MAOB: variants seen among roughly 807,000 people sequenced by gnomAD.
MAOB encodes amine oxidase [flavin-containing] B.
A neutral mutation model predicts 41.9 loss-of-function variants in MAOB; 15 were observed. That is an observed-to-expected ratio of 0.36 (90% CI 0.24 to 0.55). The LOEUF (loss-of-function observed/expected upper bound fraction) is 0.55. Among genes scored for constraint, MAOB ranks in the 20% least tolerant of loss-of-function variants. The pLI is 0.86. For missense variants in MAOB, 345 were observed against 398.7 expected, an observed-to-expected ratio of 0.87 and a Z score of 1.15; for synonymous variants, 167 against 144.2, an observed-to-expected ratio of 1.16 and a Z score of -1.13.
chrX:43,778,780 A>C, intron 10 of MAOB, 41 bp from the exon 11 acceptor site: 1 of 1,075,809 alleles, frequency 9.3e-7, no homozygotes, highest in Non-Finnish European at 1.3e-6. Context: ...AAAGGAAAGA[A>C]GGGAGGGAAA....
At chrX:43,839,883 T>C (rs1340623712) in intron 2 of MAOB, among the ~76,000 whole-genome samples, 2 of 112,231 alleles carry the variant, frequency 1.8e-5, no homozygotes, top group Non-Finnish European at 3.8e-5. Flanking sequence ...TATGAAGATT[T>C]CAAGAACTGG....
chrX:43,858,715 G>C (rs748581973), intron 1 of MAOB, among the ~76,000 whole-genome samples: 1 of 111,015 alleles, frequency 9.0e-6, no homozygotes, highest in African/African-American at 3.3e-5. Flanking sequence ...GACTGAGGCA[G>C]AGTTTGCATC....
At chrX:43,860,162 C>T (rs948261380) in intron 1 of MAOB, among the ~76,000 whole-genome samples, 24 of 112,010 alleles carry the variant, frequency 2.1e-4, no homozygotes, top group African/African-American at 6.2e-4. Flanking sequence ...CTCTTCCCAA[C>T]CTCTAAACAT....
At chrX:43,778,787 G>GAA in intron 10 of MAOB, 48 bp from the exon 11 acceptor site, 2 of 960,113 alleles carry the variant, frequency 2.1e-6, no homozygotes, top group Non-Finnish European at 2.9e-6. Context: ...AGAAGGGAGG[G>GAA]AAAAAAAAAG....
At chrX:43,835,127 C>G (rs1357003941) in intron 3 of MAOB, among the ~76,000 whole-genome samples, 1 of 112,280 alleles carries the variant, frequency 8.9e-6, no homozygotes, top group Non-Finnish European at 1.9e-5. Context: ...ACAAAGACAA[C>G]CATACACGCA....
chrX:43,863,508 C>A (rs1181205071), intron 1 of MAOB, among the ~76,000 whole-genome samples: 1 of 111,397 alleles, frequency 9.0e-6, no homozygotes, highest in Admixed American at 9.5e-5. Context: ...AAAATATATA[C>A]CCAAAGTTAA....
intron 3 of MAOB, among the ~76,000 whole-genome samples, chrX:43,810,174 C>T (rs1283838933): frequency 1.2e-5 from 1 of 81,289 alleles, no homozygotes; most frequent in Non-Finnish European, 2.1e-5. Flanking sequence ...ACCCAGGAGG[C>T]GGAGCTTGCA....
chrX:43,793,411 G>A lies in MAOB; in HGVS notation c.928+8C>T. 1 of 1,170,056 alleles carries A rather than the reference G, an allele frequency of 8.5e-7. No homozygotes were observed. Among genetic ancestry groups the A allele is most frequent in the Non-Finnish European group, 1.1e-6 (1 of 871,586 alleles). On this transcript the variant is annotated splice_region_variant and intron_variant, in intron 8 of 14. Coordinates refer to ENST00000378069, the MANE Select transcript of MAOB (RefSeq NM_000898.5). Reference sequence around the variant, plus strand: ...TTCTAAAGGTTTTTATATAAGGAAAGTACTCACCCTTTTTCCTCCAGAAAG... The same window carrying A: ...TTCTAAAGGTTTTTATATAAGGAAAATACTCACCCTTTTTCCTCCAGAAAG...
At chrX:43,792,105 T>A (rs1278276133) in intron 8 of MAOB, among the ~76,000 whole-genome samples, 5 of 112,680 alleles carry the variant, frequency 4.4e-5, no homozygotes, top group Admixed American at 1.9e-4. Context: ...ATTACTCATC[T>A]CTTTTCACAA....
chrX:43,861,863 G>A (rs2035334430), intron 1 of MAOB, among the ~76,000 whole-genome samples: 1 of 110,259 alleles, frequency 9.1e-6, no homozygotes, highest in African/African-American at 3.3e-5. Flanking sequence ...AAACGTGTGT[G>A]TGTGTGTGTG....
At chrX:43,862,028 G>T (rs1337655012) in intron 1 of MAOB, among the ~76,000 whole-genome samples, 1 of 111,083 alleles carries the variant, frequency 9.0e-6, no homozygotes, top group Admixed American at 9.6e-5. Flanking sequence ...TTGAAGAGAG[G>T]TATAATCCAG....
At chrX:43,846,635 T>C (rs1486478634) in intron 1 of MAOB, among the ~76,000 whole-genome samples, 4 of 111,170 alleles carry the variant, frequency 3.6e-5, no homozygotes, top group Admixed American at 9.6e-5. Context: ...TTAGGGTACA[T>C]AGGAAACTGA....
chrX:43,777,635 A>C (rs932401637), intron 11 of MAOB, among the ~76,000 whole-genome samples: 4 of 111,602 alleles, frequency 3.6e-5, no homozygotes, highest in African/African-American at 1.3e-4. Flanking sequence ...AGCTGAGCAA[A>C]GTAAGTGTTA....
At chrX:43,881,175 A>G in intron 1 of MAOB, among the ~76,000 whole-genome samples, 1 of 113,186 alleles carries the variant, frequency 8.8e-6, no homozygotes, top group Non-Finnish European at 1.9e-5. Context: ...GGACTGGACC[A>G]TGGTCAGCAC....
intron 1 of MAOB, among the ~76,000 whole-genome samples, chrX:43,879,292 T>C (rs1333420209): frequency 1.8e-5 from 2 of 112,665 alleles, no homozygotes; most frequent in Non-Finnish European, 3.7e-5. Context: ...CCTCCCAGTA[T>C]GTCTCTGTTT....
intron 3 of MAOB, among the ~76,000 whole-genome samples, chrX:43,814,129 G>T (rs1036193513): frequency 1.8e-5 from 2 of 110,819 alleles, no homozygotes; most frequent in African/African-American, 6.6e-5. Flanking sequence ...GAGCATGAAT[G>T]GACTGCACAA....
chrX:43,810,009 C>T (rs1041510795), intron 3 of MAOB, among the ~76,000 whole-genome samples: 1 of 105,784 alleles, frequency 9.5e-6, no homozygotes, highest in Non-Finnish European at 1.9e-5. Context: ...TTTGGGAGGC[C>T]GAGGCGGGCG....
At chrX:43,833,594 T>C (rs890437025) in intron 3 of MAOB, among the ~76,000 whole-genome samples, 1 of 111,803 alleles carries the variant, frequency 8.9e-6, no homozygotes, top group African/African-American at 3.3e-5. Context: ...ATAGAAGCTG[T>C]AAAATTTTGC....
intron 1 of MAOB, among the ~76,000 whole-genome samples, chrX:43,859,261 A>C (rs2035317009): frequency 9.0e-6 from 1 of 111,354 alleles, no homozygotes; most frequent in South Asian, 3.8e-4. Flanking sequence ...TGTCGATAAC[A>C]TTTTTATCAT....
Sources: gnomAD v4.1 joint callset for allele counts (sites outside exome capture counted in the v4.1 genomes callset) on GRCh38, gnomAD v4.1.1 for gene constraint, MANE v1.5 for transcripts, NCBI Gene and HGNC (gene_info 2026-07-23, HGNC 2026-07-21) for gene names.